CNRIP1: variants seen among roughly 807,000 people sequenced by gnomAD.
The protein encoded by CNRIP1 is cannabinoid receptor interacting protein 1, also known as CB1 cannabinoid receptor-interacting protein 1.
Under a neutral mutation model 15.2 loss-of-function variants are expected in CNRIP1, and 10 were observed. That is an observed-to-expected ratio of 0.66 (90% CI 0.41 to 1.12). The LOEUF (loss-of-function observed/expected upper bound fraction) is 1.12. CNRIP1 is among the 50% of genes most tolerant of loss of function. CNRIP1 has a pLI of 0.00. For missense variants in CNRIP1, 211 were observed against 214.7 expected, an observed-to-expected ratio of 0.98 and a Z score of 0.11; for synonymous variants, 91 against 83.2, an observed-to-expected ratio of 1.09 and a Z score of -0.51.
intron 2 of CNRIP1, among the ~76,000 whole-genome samples, chr2:68,307,908 T>C (rs1027833247): frequency 6.6e-5 from 10 of 152,110 alleles, no homozygotes; most frequent in East Asian, 1.9e-4. Flanking sequence ...AATGATATCA[T>C]TGGGCCAGGT....
At chr2:68,313,867 C>A (rs1672181510) in intron 2 of CNRIP1, among the ~76,000 whole-genome samples, 1 of 152,056 alleles carries the variant, frequency 6.6e-6, no homozygotes. Flanking sequence ...ATCATCCAAC[C>A]CCTACTTACC....
chr2:68,312,227 C>A (rs1454893499), intron 2 of CNRIP1, among the ~76,000 whole-genome samples: 1 of 151,878 alleles, frequency 6.6e-6, no homozygotes, highest in African/African-American at 2.4e-5. Flanking sequence ...AAATCCTTAA[C>A]AAAATATTAA....
At chr2:68,286,269 C>T (rs1016854485) in intron 2 of CNRIP1, among the ~76,000 whole-genome samples, 2 of 151,922 alleles carry the variant, frequency 1.3e-5, no homozygotes, top group African/African-American at 2.4e-5. Flanking sequence ...ATATGAGTTA[C>T]ATTTCAAAGT....
chr2:68,284,824 A>AAAAAG (rs1304768740), intron 2 of CNRIP1, among the ~76,000 whole-genome samples: 2 of 151,514 alleles, frequency 1.3e-5, no homozygotes, highest in African/African-American at 4.9e-5. Flanking sequence ...AAAAAAAAAA[A>AAAAAG]AAAAGAAAAG....
chr2:68,286,968 G>A (rs1312659078), intron 2 of CNRIP1, among the ~76,000 whole-genome samples: 3 of 152,178 alleles, frequency 2.0e-5, no homozygotes, highest in Admixed American at 6.5e-5. Flanking sequence ...GATAGTCAAT[G>A]AATGCTAATT....
chr2:68,306,585 A>G (rs1671855090), intron 2 of CNRIP1, among the ~76,000 whole-genome samples: 1 of 152,118 alleles, frequency 6.6e-6, no homozygotes, highest in African/African-American at 2.4e-5. Flanking sequence ...GTTTGAGACC[A>G]GCCTGTCCAA....
intron 2 of CNRIP1, among the ~76,000 whole-genome samples, chr2:68,304,715 G>A (rs926594947): frequency 2.6e-5 from 4 of 151,746 alleles, no homozygotes; most frequent in Non-Finnish European, 5.9e-5. Flanking sequence ...CCGCCTCCAA[G>A]GTTCATGCCA....
chr2:68,311,962 A>G (rs1037444482), intron 2 of CNRIP1, among the ~76,000 whole-genome samples: 7 of 152,140 alleles, frequency 4.6e-5, no homozygotes, highest in African/African-American at 1.7e-4. Context: ...TAAAACCTGA[A>G]TAGCCCGATA....
intron 2 of CNRIP1, among the ~76,000 whole-genome samples, chr2:68,305,173 G>GACAGAGGTTGCGGTGA (rs1177665967): frequency 2.0e-5 from 3 of 150,750 alleles, no homozygotes; most frequent in Non-Finnish European, 3.0e-5. Flanking sequence ...GAACCCGGGA[G>GACAGAGGTTGCGGTGA]GCAGAGGTTG....
intron 2 of CNRIP1, among the ~76,000 whole-genome samples, chr2:68,298,665 C>T (rs1047510016): frequency 2.6e-5 from 4 of 152,280 alleles, no homozygotes; most frequent in Admixed American, 1.3e-4. Context: ...CCTAAGGTCA[C>T]GTTGAAGTAA....
Position 68,318,398 on chromosome 2 carries a change from G to C in CNRIP1, c.179+824C>G, listed in dbSNP as rs546815548. Among the ~76,000 whole-genome samples the C allele has an allele frequency of 5.9e-5, 9 of 152,262 alleles. No individual in the cohort carries two copies. In the East Asian group the frequency reaches 1.7e-3, roughly 29 times the overall value. Reference sequence around the variant, plus strand: ...GTAGGTAGAAACGAGAGGTAAAGGGGCTCCACCCGCAGTTCTTCCGGGTAG... The same window carrying C: ...GTAGGTAGAAACGAGAGGTAAAGGGCCTCCACCCGCAGTTCTTCCGGGTAG... On this transcript the variant is annotated intron_variant, in intron 1 of 2. Coordinates refer to ENST00000263655, the MANE Select transcript of CNRIP1 (RefSeq NM_015463.3).
At chr2:68,317,074 T>TA (rs780568612) in intron 2 of CNRIP1, 83 bp downstream of exon 2, 34 of 1,544,998 alleles carry the variant, frequency 2.2e-5, no homozygotes, top group Non-Finnish European at 2.9e-5. Context: ...CACCTTTTCT[T>TA]ACAGAGAGAT....
chr2:68,295,299 C>T (rs968538963), intron 2 of CNRIP1, among the ~76,000 whole-genome samples: 10 of 152,206 alleles, frequency 6.6e-5, no homozygotes. Flanking sequence ...ACCATTGCCT[C>T]ATCCTGCTAA....
intron 2 of CNRIP1, among the ~76,000 whole-genome samples, chr2:68,285,671 AAG>A (rs1553413236): frequency 6.6e-5 from 7 of 105,714 alleles, no homozygotes; most frequent in Non-Finnish European, 1.0e-4. Flanking sequence ...AAAAAAAAAA[AAG>A]AAAAGAAAAG....
chr2:68,297,699 C>G (rs535947350), intron 2 of CNRIP1, among the ~76,000 whole-genome samples: 67 of 150,184 alleles, frequency 4.5e-4, no homozygotes, highest in South Asian at 8.5e-4. Flanking sequence ...AACTTAGTGA[C>G]AATTTCTGAG....
intron 2 of CNRIP1, among the ~76,000 whole-genome samples, chr2:68,313,183 C>T (rs375145670): frequency 9.2e-5 from 14 of 152,064 alleles, no homozygotes; most frequent in African/African-American, 3.4e-4. Flanking sequence ...TTGGAATTTC[C>T]AAATTAAAAA....
exon 3 of CNRIP1, chr2:68,284,466 G>A: frequency 1.3e-6 from 2 of 1,542,460 alleles, no homozygotes; most frequent in Non-Finnish European, 1.8e-6. Context: ...ATCTCTTGGG[G>A]TCGTTGTTCC....
At position 68,293,582 on chromosome 2, in the gene CNRIP1, A is replaced by G; in HGVS notation, c.*280T>C. The G allele has an allele frequency of 9.1e-7, 1 of 1,103,660 alleles. No homozygotes were observed. The highest frequency in any genetic ancestry group is 1.1e-6 in the Non-Finnish European group (1 of 900,878). The allele number at this position is 1,103,660 out of a possible 1,614,324, so 68.4% of individuals were successfully genotyped here. On this transcript the variant is annotated 3_prime_UTR_variant, in exon 3 of 3. Transcript: ENST00000263655. Reference sequence around the variant, plus strand: ...AAGCCTGCCAGGGCCACTGAACTCCAGTCACAAGTGGTCAAAAGTATGACC... The same window carrying G: ...AAGCCTGCCAGGGCCACTGAACTCCGGTCACAAGTGGTCAAAAGTATGACC...
At chr2:68,284,211 G>C in exon 3 of CNRIP1, 1 of 371,566 alleles carries the variant, frequency 2.7e-6, no homozygotes, top group Non-Finnish European at 4.8e-6. Context: ...ATCACCTAAA[G>C]TGCTTAATAA....
Sources: allele counts gnomAD v4.1 joint callset (sites outside exome capture counted in the v4.1 genomes callset), GRCh38; gene constraint gnomAD v4.1.1; transcripts MANE v1.5; gene names NCBI Gene and HGNC (gene_info 2026-07-23, HGNC 2026-07-21).